Variants in ATP10A observed in about 807,000 individuals in gnomAD.
ATP10A encodes phospholipid-transporting ATPase VA.
ATP10A carries 111 observed loss-of-function variants against 147.8 expected under a neutral mutation model. The ratio of observed to expected loss-of-function variants is 0.75; its 90% CI spans 0.64 to 0.88. The LOEUF (loss-of-function observed/expected upper bound fraction) is 0.88. Among genes scored for constraint, ATP10A ranks in the 40% least tolerant of loss-of-function variants. ATP10A has a pLI of 0.00. For missense variants in ATP10A, 1,927 were observed against 1,959.0 expected (o/e 0.98, Z 0.31); for synonymous variants, 875 against 841.6 (o/e 1.04, Z -0.69).
At chr15:25,745,749 G>T (rs765131697) in intron 2 of ATP10A, among the ~76,000 whole-genome samples, 9 of 152,142 alleles carry the variant, frequency 5.9e-5, no homozygotes, top group Non-Finnish European at 1.3e-4. Context: ...AGTTGGAAGA[G>T]AATAAAAAGA....
At chr15:25,803,206 G>C (rs1891017608) in intron 1 of ATP10A, among the ~76,000 whole-genome samples, 1 of 152,218 alleles carries the variant, frequency 6.6e-6, no homozygotes, top group Admixed American at 6.5e-5. Context: ...CTGTGCTGGT[G>C]CCTCCTTCCC....
At chr15:25,857,855 C>T (rs1893583186) in intron 1 of ATP10A, among the ~76,000 whole-genome samples, 1 of 152,066 alleles carries the variant, frequency 6.6e-6, no homozygotes, top group Non-Finnish European at 1.5e-5. Context: ...CTTAGGCAAG[C>T]TATTGAGTCT....
At chr15:25,776,556 C>G (rs769061923) in intron 2 of ATP10A, among the ~76,000 whole-genome samples, 1 of 152,344 alleles carries the variant, frequency 6.6e-6, no homozygotes, top group East Asian at 1.9e-4. Flanking sequence ...ATGCTCCACA[C>G]GGGGGCCTCT....
chr15:25,822,739 T>C (rs1891942496), intron 1 of ATP10A, among the ~76,000 whole-genome samples: 1 of 152,192 alleles, frequency 6.6e-6, no homozygotes, highest in Admixed American at 6.5e-5. Context: ...AAAATTACCT[T>C]AGAGATAACT....
At chr15:25,776,895 G>C (rs572968787) in intron 2 of ATP10A, among the ~76,000 whole-genome samples, 73 of 152,252 alleles carry the variant, frequency 4.8e-4, no homozygotes, top group African/African-American at 1.6e-3. Flanking sequence ...CTGGCCTTCA[G>C]AGTCAGTTTC....
intron 1 of ATP10A, among the ~76,000 whole-genome samples, chr15:25,817,090 G>GT: frequency 6.6e-6 from 1 of 151,794 alleles, no homozygotes; most frequent in African/African-American, 2.4e-5. Context: ...TTTTGTTTTT[G>GT]TTTTTTTCTT....
At chr15:25,861,111 C>G (rs7166023) in intron 1 of ATP10A, among the ~76,000 whole-genome samples, 47,764 of 151,916 alleles carry the variant, frequency 0.31, 12,455 homozygotes, top group African/African-American at 0.72. Context: ...GACAGTCACT[C>G]TTGCTGACTG....
At chr15:25,811,714 G>T (rs757136335) in intron 1 of ATP10A, among the ~76,000 whole-genome samples, 1 of 152,324 alleles carries the variant, frequency 6.6e-6, no homozygotes, top group South Asian at 2.1e-4. Context: ...CACCACAGGC[G>T]TCAAGAGTCC....
chr15:25,713,230 G>T (rs1414567127), intron 10 of ATP10A, among the ~76,000 whole-genome samples: 2 of 152,156 alleles, frequency 1.3e-5, no homozygotes, highest in Non-Finnish European at 2.9e-5. Flanking sequence ...CCCCTCCCAA[G>T]TGCCAGAACA....
chr15:25,693,921 C>G (rs1900169820), intron 14 of ATP10A, among the ~76,000 whole-genome samples: 1 of 152,220 alleles, frequency 6.6e-6, no homozygotes, highest in Non-Finnish European at 1.5e-5. Context: ...TGTCACAGAC[C>G]TTTTGCAGAA....
intron 5 of ATP10A, among the ~76,000 whole-genome samples, chr15:25,724,481 T>C (rs1391303626): frequency 6.6e-6 from 1 of 152,208 alleles, no homozygotes; most frequent in African/African-American, 2.4e-5. Flanking sequence ...GTAGTGCACA[T>C]TGCCTAATCC....
chr15:25,816,886 T>C (rs1406589153), intron 1 of ATP10A, among the ~76,000 whole-genome samples: 1 of 152,126 alleles, frequency 6.6e-6, no homozygotes, highest in African/African-American at 2.4e-5. Context: ...AAAAATCCAA[T>C]TGTAAAACAA....
intron 2 of ATP10A, among the ~76,000 whole-genome samples, chr15:25,763,449 C>T (rs1888863929): frequency 6.6e-6 from 1 of 152,176 alleles, no homozygotes; most frequent in Non-Finnish European, 1.5e-5. Context: ...CTCCAGCATC[C>T]CTTCCAGTAC....
In ATP10A at chr15:25,785,089, C is replaced by A. The variant is rs888011034; in HGVS notation, c.450-3866G>T. On this transcript the variant is annotated intron_variant, in intron 1 of 20. Coordinates refer to ENST00000555815, the MANE Select transcript of ATP10A (RefSeq NM_024490.4). ...CAAGAGATGCCTCAGGGGTCCAAAT[C>A]CTGCAACCACTCCAGCTGGAGCACC... Among the ~76,000 whole-genome samples the A allele has an allele frequency of 4.2e-4, 64 of 151,998 alleles. 1 individual carries two copies. Among genetic ancestry groups the A allele is most frequent in the Non-Finnish European group, 1.3e-4 (9 of 67,990 alleles).
chr15:25,804,296 A>G, intron 1 of ATP10A, among the ~76,000 whole-genome samples: 1 of 133,566 alleles, frequency 7.5e-6, no homozygotes, highest in African/African-American at 2.9e-5. Flanking sequence ...GTGGTGTGTG[A>G]GTGTTCGTGT....
rs144416499 is a variant in ATP10A, at chr15:25,679,512, G to A, written c.4329C>T (p.Ser1443=). The A allele has an allele frequency of 1.9e-6, 3 of 1,613,574 alleles. No individual in the cohort carries two copies. In the African/African-American group the frequency reaches 4.0e-5, roughly 22 times the overall value. The part of the protein sequence containing the change: ...PTFSLLNWIS[S]WSLVSRLGSV... ...TCCCCAGCCTGCTGACCAGCGACCAGGAGGAAATCCAGTTGAGTAAGCTGA... is the reference window on the plus strand; with the variant it reads ...TCCCCAGCCTGCTGACCAGCGACCAAGAGGAAATCCAGTTGAGTAAGCTGA... The change falls in exon 21 of 21, where the codon TCC becomes TCT. Residue 1443 remains serine, a synonymous_variant. Transcript: ENST00000555815.
chr15:25,834,555 C>A (rs145479498), intron 1 of ATP10A, among the ~76,000 whole-genome samples: 237 of 152,316 alleles, frequency 1.6e-3, no homozygotes, highest in African/African-American at 5.2e-3. Context: ...GGTGGGAATG[C>A]AAACAGCTCT....
chr15:25,728,082 G>C (rs1292579574), intron 3 of ATP10A, among the ~76,000 whole-genome samples: 2 of 152,184 alleles, frequency 1.3e-5, no homozygotes, highest in Non-Finnish European at 2.9e-5. Flanking sequence ...GGGCCACCAA[G>C]GGAGTGCCTT....
Position 25,862,796 on chromosome 15 carries a change from G to A in ATP10A, c.301C>T (p.Pro101Ser), listed in dbSNP as rs1431948672. Reference sequence around the variant, plus strand: ...CCGGGCTGGAAGGCGTTCACCGCCGGCACGAAGTTGAGCAGCGCGATGAAG... The same window carrying A: ...CCGGGCTGGAAGGCGTTCACCGCCGACACGAAGTTGAGCAGCGCGATGAAG... The part of the protein sequence containing the change: ...FVFIALLNFV[P>S]AVNAFQPGLA... The change falls in exon 1 of 21, where the codon CCG (proline) becomes TCG (serine). Residue 101 changes from proline (P) to serine (S), a missense_variant. Transcript: ENST00000555815. 2 of 1,610,260 alleles carry A rather than the reference G, an allele frequency of 1.2e-6. No individual in the cohort carries two copies. Among genetic ancestry groups the A allele is most frequent in the Non-Finnish European group, 1.7e-6 (2 of 1,178,192 alleles).
Sources: allele counts gnomAD v4.1 joint callset (sites outside exome capture counted in the v4.1 genomes callset), GRCh38; gene constraint gnomAD v4.1.1; transcripts MANE v1.5; gene names NCBI Gene and HGNC (gene_info 2026-07-23, HGNC 2026-07-21).